TAS2R1: variants seen among roughly 807,000 people sequenced by gnomAD.
TAS2R1 encodes taste receptor type 2 member 1.
For synonymous variants in TAS2R1, 141 were observed against 134.2 expected, an observed-to-expected ratio of 1.05 and a Z score of -0.35; for missense variants, 370 against 353.4, an observed-to-expected ratio of 1.05 and a Z score of -0.38.
the TAS2R1 span, among the ~76,000 whole-genome samples, chr5:9,838,370 G>A: frequency 6.6e-6 from 1 of 152,184 alleles, no homozygotes; most frequent in African/African-American, 2.4e-5. Context: ...GTGGGAAAGA[G>A]GAGAATGAAG....
At chr5:9,826,671 T>C in the TAS2R1 span, among the ~76,000 whole-genome samples, 1 of 152,088 alleles carries the variant, frequency 6.6e-6, no homozygotes, top group African/African-American at 2.4e-5. Flanking sequence ...AAAAAAGAGG[T>C]TTGCTTTTTT....
At chr5:9,679,817 G>A (rs1316060156) in intron 1 of TAS2R1, among the ~76,000 whole-genome samples, 1 of 152,182 alleles carries the variant, frequency 6.6e-6, no homozygotes, top group Non-Finnish European at 1.5e-5. Context: ...TATATATGAA[G>A]GTTAGCATAT....
At chr5:9,858,434 T>G in the TAS2R1 span, among the ~76,000 whole-genome samples, 2 of 152,158 alleles carry the variant, frequency 1.3e-5, no homozygotes, top group African/African-American at 4.8e-5. Context: ...GGGGCAGTGA[T>G]GCAGGTAATA....
the TAS2R1 span, among the ~76,000 whole-genome samples, chr5:9,857,546 G>A: frequency 6.6e-6 from 1 of 152,080 alleles, no homozygotes; most frequent in African/African-American, 2.4e-5. Flanking sequence ...TAGCATACCT[G>A]TACATCCTGC....
At position 9,700,837 on chromosome 5, in the gene TAS2R1, C is replaced by T. The variant is rs144417448; in HGVS notation, c.-242+11335G>A. 4.7e-3 allele frequency among the ~76,000 whole-genome samples: 719 copies of T among 152,124 alleles called. 2 individuals carry two copies. Among genetic ancestry groups the T allele is most frequent in the Non-Finnish European group, 8.2e-3 (555 of 67,996 alleles). ...TCATCTCCTCTTCTTATCAGGATGC[C>T]GGTCATGTTAGATTTAAGACCCATC... is the stretch of plus-strand genomic sequence containing the variant. On this transcript the variant is annotated intron_variant, in intron 1 of 2. Transcript: ENST00000506620.
At chr5:9,831,772 C>T in the TAS2R1 span, among the ~76,000 whole-genome samples, 2 of 152,006 alleles carry the variant, frequency 1.3e-5, no homozygotes, top group South Asian at 4.1e-4. Context: ...CTTATTAAAC[C>T]TTTCTTCACA....
chr5:9,827,564 A>T, the TAS2R1 span, among the ~76,000 whole-genome samples: 2 of 147,404 alleles, frequency 1.4e-5, no homozygotes, highest in East Asian at 4.2e-4. Flanking sequence ...GTGAGATTCC[A>T]TCCCTATACA....
At chr5:9,724,122 G>T in the TAS2R1 span, among the ~76,000 whole-genome samples, 1 of 152,194 alleles carries the variant, frequency 6.6e-6, no homozygotes, top group African/African-American at 2.4e-5. Context: ...CAATTCCTGA[G>T]AAACTGACCA....
chr5:9,810,289 T>A, the TAS2R1 span, among the ~76,000 whole-genome samples: 1 of 152,198 alleles, frequency 6.6e-6, no homozygotes, highest in Non-Finnish European at 1.5e-5. Context: ...TTTGACATAT[T>A]CTCGTCTCTG....
chr5:9,857,235 C>T, the TAS2R1 span, among the ~76,000 whole-genome samples: 44 of 152,102 alleles, frequency 2.9e-4, no homozygotes, highest in Middle Eastern at 3.4e-3. Context: ...TTTGACAGTA[C>T]GGTTGGAGAA....
chr5:9,779,375 A>G, the TAS2R1 span, among the ~76,000 whole-genome samples: 1 of 152,226 alleles, frequency 6.6e-6, no homozygotes, highest in Non-Finnish European at 1.5e-5. Flanking sequence ...TAAATTACTC[A>G]GTGTCAGGTA....
chr5:9,833,311 G>A, the TAS2R1 span, among the ~76,000 whole-genome samples: 1 of 152,182 alleles, frequency 6.6e-6, no homozygotes, highest in Non-Finnish European at 1.5e-5. Flanking sequence ...ACAATCTGAG[G>A]CAGGTTTCTG....
chr5:9,880,675 G>A, the TAS2R1 span, among the ~76,000 whole-genome samples: 13 of 152,268 alleles, frequency 8.5e-5, no homozygotes, highest in East Asian at 2.5e-3. Flanking sequence ...CAGCAAAAGT[G>A]TCCCCAGTGA....
the TAS2R1 span, among the ~76,000 whole-genome samples, chr5:9,838,067 G>A: frequency 6.6e-6 from 1 of 152,184 alleles, no homozygotes. Flanking sequence ...GTCCATGGAT[G>A]AAATGCAGAG....
chr5:9,846,003 T>A, the TAS2R1 span, among the ~76,000 whole-genome samples: 2 of 152,308 alleles, frequency 1.3e-5, no homozygotes, highest in South Asian at 4.1e-4. Flanking sequence ...TAGCATGAGC[T>A]TGAAGGTAAT....
chr5:9,868,026 T>C, the TAS2R1 span, among the ~76,000 whole-genome samples: 1 of 152,206 alleles, frequency 6.6e-6, no homozygotes. Flanking sequence ...CTCCAAGGCC[T>C]TGGGGAGCTC....
At chr5:9,656,457 GA>G (rs1740420621) in intron 2 of TAS2R1, among the ~76,000 whole-genome samples, 1 of 152,190 alleles carries the variant, frequency 6.6e-6, no homozygotes, top group Non-Finnish European at 1.5e-5. Flanking sequence ...CAGCCGATGG[GA>G]TAAGTTCTAC....
At chr5:9,677,830 A>G (rs1235703374) in intron 1 of TAS2R1, among the ~76,000 whole-genome samples, 2 of 152,188 alleles carry the variant, frequency 1.3e-5, no homozygotes, top group Non-Finnish European at 2.9e-5. Flanking sequence ...TATTCACCCA[A>G]TTGATTAGAA....
chr5:9,673,819 A>G (rs1278367113), intron 1 of TAS2R1, among the ~76,000 whole-genome samples: 1 of 152,138 alleles, frequency 6.6e-6, no homozygotes, highest in Non-Finnish European at 1.5e-5. Context: ...GCACTTCTCC[A>G]TACCCTGTCT....
Sources: allele counts gnomAD v4.1 joint callset (sites outside exome capture counted in the v4.1 genomes callset), GRCh38; gene constraint gnomAD v4.1.1; transcripts MANE v1.5; gene names NCBI Gene and HGNC (gene_info 2026-07-23, HGNC 2026-07-21).